The following NBAS variants were observed in gnomAD, a reference collection of about 807,000 sequenced individuals.
NBAS encodes the protein NAG/BC035112 fusion.
NBAS carries 219 observed loss-of-function variants against 302.5 expected under a neutral mutation model. The ratio of observed to expected loss-of-function variants is 0.72; its 90% CI spans 0.65 to 0.81. The LOEUF (loss-of-function observed/expected upper bound fraction) is 0.81, where lower values mean the gene tolerates loss of function less well. Ranked by LOEUF, NBAS falls within the 30% of genes least tolerant of loss-of-function variation. NBAS has a pLI of 0.00. For missense variants in NBAS, 2,932 were observed against 2,841.6 expected, an observed-to-expected ratio of 1.03 and a Z score of -0.72; for synonymous variants, 1,118 against 1,021.6, an observed-to-expected ratio of 1.09 and a Z score of -1.80.
chr2:15,368,341 A>C (rs1674320783), intron 31 of NBAS, among the ~76,000 whole-genome samples: 1 of 151,836 alleles, frequency 6.6e-6, no homozygotes, highest in Admixed American at 6.6e-5. Flanking sequence ...CTGGGACTAC[A>C]GGCACGTGCC....
chr2:15,457,470 G>A (rs568651265), intron 21 of NBAS, among the ~76,000 whole-genome samples: 7 of 152,230 alleles, frequency 4.6e-5, no homozygotes, highest in African/African-American at 9.6e-5. Context: ...TGCTATTGAC[G>A]AGAAAAAAGA....
At chr2:15,184,179 T>A (rs773480202) in intron 50 of NBAS, among the ~76,000 whole-genome samples, 1 of 152,162 alleles carries the variant, frequency 6.6e-6, no homozygotes, top group Non-Finnish European at 1.5e-5. Context: ...CTAGGACTTA[T>A]TCCCAGGCGG....
At chr2:15,350,312 A>G (rs1450891292) in intron 35 of NBAS, among the ~76,000 whole-genome samples, 1 of 152,076 alleles carries the variant, frequency 6.6e-6, no homozygotes, top group African/African-American at 2.4e-5. Context: ...ACTTACCACA[A>G]TAGGTGTCTC....
chr2:15,226,831 C>T (rs1667169457), intron 47 of NBAS, among the ~76,000 whole-genome samples: 1 of 152,176 alleles, frequency 6.6e-6, no homozygotes, highest in Non-Finnish European at 1.5e-5. Context: ...GGATTTTCTA[C>T]ATAGATGATC....
At chr2:14,785,421 G>C in the NBAS span, among the ~76,000 whole-genome samples, 1 of 152,126 alleles carries the variant, frequency 6.6e-6, no homozygotes, top group Non-Finnish European at 1.5e-5. Flanking sequence ...AATGCTTCCA[G>C]TTTTTGCCCA....
the NBAS span, among the ~76,000 whole-genome samples, chr2:15,146,474 A>G: frequency 6.6e-6 from 1 of 152,248 alleles, no homozygotes; most frequent in Non-Finnish European, 1.5e-5. Flanking sequence ...AACTCAATGA[A>G]AGTCCAACAC....
the NBAS span, among the ~76,000 whole-genome samples, chr2:15,067,987 T>G: frequency 0.51 from 77,394 of 152,060 alleles, 21,965 homozygotes; most frequent in Non-Finnish European, 0.63. Flanking sequence ...AAGGGAAGTG[T>G]GCTTAGCCTC....
chr2:15,385,246 G>T lies in NBAS; in HGVS notation c.3258-1929C>A, dbSNP rs770819023. ...TTAACTCTTTAGCCTTCAAAAAACTGGAGGGCTCTTTCAGATTGCTTACAG... is the reference window on the plus strand; with the variant it reads ...TTAACTCTTTAGCCTTCAAAAAACTTGAGGGCTCTTTCAGATTGCTTACAG... On this transcript the variant is annotated intron_variant, in intron 28 of 51. Coordinates refer to ENST00000281513, the MANE Select transcript of NBAS (RefSeq NM_015909.4). Among the ~76,000 whole-genome samples, 121 of 152,272 alleles carry T rather than the reference G, an allele frequency of 7.9e-4. No homozygotes were observed. In the Middle Eastern group the frequency reaches 0.017, roughly 21 times the overall value.
chr2:15,346,130 T>C (rs1673077488), intron 35 of NBAS, among the ~76,000 whole-genome samples: 1 of 151,968 alleles, frequency 6.6e-6, no homozygotes, highest in Admixed American at 6.6e-5. Context: ...CCAAAGCAAT[T>C]GCAACAAAAG....
At chr2:14,794,662 A>G in the NBAS span, among the ~76,000 whole-genome samples, 3 of 152,170 alleles carry the variant, frequency 2.0e-5, no homozygotes, top group Non-Finnish European at 4.4e-5. Flanking sequence ...CTTTTAACGT[A>G]TGTATACTCT....
chr2:15,313,741 T>G (rs555050967), intron 38 of NBAS, among the ~76,000 whole-genome samples: 3 of 152,318 alleles, frequency 2.0e-5, no homozygotes, highest in East Asian at 1.9e-4. Context: ...TGAACATCCA[T>G]GAGGTCTAAT....
At position 15,474,050 on chromosome 2, in the gene NBAS, A is replaced by G. The variant is rs750884004; in HGVS notation, c.1599+17T>C. On this transcript the variant is annotated intron_variant, in intron 15 of 51. Coordinates refer to ENST00000281513, the MANE Select transcript of NBAS (RefSeq NM_015909.4). ...TTGATGACTTCAAACTTGGGTAGTA[A>G]TATGCTACTCTCTCACCTTCCTCTG... 37 of 1,614,024 alleles carry G rather than the reference A, an allele frequency of 2.3e-5. No homozygotes were observed. In the South Asian group the frequency reaches 3.8e-4, roughly 17 times the overall value.
the NBAS span, among the ~76,000 whole-genome samples, chr2:15,034,783 T>A: frequency 6.6e-6 from 1 of 152,162 alleles, no homozygotes; most frequent in African/African-American, 2.4e-5. Flanking sequence ...CAGAATACTA[T>A]AGGACCTTTT....
intron 21 of NBAS, among the ~76,000 whole-genome samples, chr2:15,444,576 T>C (rs1195696583): frequency 6.6e-6 from 1 of 152,126 alleles, no homozygotes; most frequent in Non-Finnish European, 1.5e-5. Context: ...GGCATTACCA[T>C]TCAGGACATA....
the NBAS span, among the ~76,000 whole-genome samples, chr2:14,791,787 G>T: frequency 6.7e-6 from 1 of 149,482 alleles, no homozygotes; most frequent in Admixed American, 6.7e-5. Context: ...CCAGGCAATA[G>T]AGGGAGACTC....
At chr2:14,879,758 T>C in the NBAS span, among the ~76,000 whole-genome samples, 1 of 152,026 alleles carries the variant, frequency 6.6e-6, no homozygotes, top group Non-Finnish European at 1.5e-5. Flanking sequence ...AAAATAAAGA[T>C]CCAACTAACA....
intron 40 of NBAS, among the ~76,000 whole-genome samples, chr2:15,293,508 G>A (rs1185582450): frequency 6.6e-6 from 1 of 152,166 alleles, no homozygotes; most frequent in East Asian, 1.9e-4. Flanking sequence ...TTATATTAAA[G>A]TTGGTCTGGG....
the NBAS span, among the ~76,000 whole-genome samples, chr2:14,984,771 T>C: frequency 1.3e-5 from 2 of 152,194 alleles, no homozygotes; most frequent in Non-Finnish European, 2.9e-5. Flanking sequence ...TGATTAGTCA[T>C]GAACATCATG....
chr2:14,825,583 T>C, the NBAS span, among the ~76,000 whole-genome samples: 1 of 152,174 alleles, frequency 6.6e-6, no homozygotes, highest in Non-Finnish European at 1.5e-5. Flanking sequence ...CATTCATTCA[T>C]GCAACAGATC....
Sources: allele counts gnomAD v4.1 joint callset (sites outside exome capture counted in the v4.1 genomes callset), GRCh38; gene constraint gnomAD v4.1.1; transcripts MANE v1.5; gene names NCBI Gene and HGNC (gene_info 2026-07-23, HGNC 2026-07-21).